Variants in TENM3 observed in about 807,000 individuals in gnomAD.
TENM3 encodes teneurin transmembrane protein 3.
TENM3 carries 63 observed loss-of-function variants against 255.1 expected under a neutral mutation model. That is an observed-to-expected ratio of 0.25 (90% confidence interval 0.20 to 0.30). The LOEUF is 0.30. Ranked by LOEUF, TENM3 falls within the 10% of genes least tolerant of loss-of-function variation. The pLI, the probability that TENM3 is intolerant of heterozygous loss-of-function variation, is 1.00. For synonymous variants in TENM3, 1,306 were observed against 1,322.3 expected (o/e 0.99, Z 0.27); for missense variants, 2,929 against 3,461.1 (o/e 0.85, Z 3.86).
chr4:182,029,519 T>A, the TENM3 span, among the ~76,000 whole-genome samples: 1 of 152,176 alleles, frequency 6.6e-6, no homozygotes, highest in Non-Finnish European at 1.5e-5. Flanking sequence ...CATCCAACGT[T>A]GGGTGCATAT....
chr4:182,736,739 A>G, intron 16 of TENM3, 69 bp from the exon 17 acceptor site: 1 of 1,361,974 alleles, frequency 7.3e-7, no homozygotes, highest in South Asian at 1.4e-5. Flanking sequence ...AATATGTGCT[A>G]CATAAATATA....
the TENM3 span, among the ~76,000 whole-genome samples, chr4:181,800,336 A>G: frequency 6.6e-6 from 1 of 152,172 alleles, no homozygotes; most frequent in African/African-American, 2.4e-5. Context: ...GGGAATAAGA[A>G]ATAAGAATTC....
chr4:182,634,696 G>T (rs1751693946), intron 5 of TENM3, among the ~76,000 whole-genome samples: 3 of 112,790 alleles, frequency 2.7e-5, no homozygotes, highest in South Asian at 2.9e-4. Flanking sequence ...CTTCTTTTTT[G>T]ACTCTGAAAT....
At chr4:181,696,005 T>C in the TENM3 span, among the ~76,000 whole-genome samples, 2 of 152,068 alleles carry the variant, frequency 1.3e-5, no homozygotes, top group African/African-American at 4.8e-5. Flanking sequence ...GAAATGTCAT[T>C]TAGAAGAAGA....
At chr4:181,988,849 T>C in the TENM3 span, among the ~76,000 whole-genome samples, 28 of 151,960 alleles carry the variant, frequency 1.8e-4, no homozygotes, top group African/African-American at 6.8e-4. Context: ...CAGTACTGAA[T>C]TGAAGTGCCA....
chr4:182,161,031 C>A (rs1751112310), intron 1 of TENM3, among the ~76,000 whole-genome samples: 1 of 151,836 alleles, frequency 6.6e-6, no homozygotes. Flanking sequence ...GTAATCCCAG[C>A]ATTTTGGGAG....
the TENM3 span, among the ~76,000 whole-genome samples, chr4:182,007,994 C>T: frequency 6.6e-6 from 1 of 152,132 alleles, no homozygotes; most frequent in African/African-American, 2.4e-5. Context: ...CTTAGTTTGG[C>T]TGGATATGAA....
At chr4:182,213,548 G>A (rs1289177099) in intron 1 of TENM3, among the ~76,000 whole-genome samples, 1 of 152,064 alleles carries the variant, frequency 6.6e-6, no homozygotes, top group East Asian at 1.9e-4. Flanking sequence ...TCAATTCAAT[G>A]CAATGGTGAT....
At chr4:181,924,089 A>G in the TENM3 span, among the ~76,000 whole-genome samples, 4 of 152,162 alleles carry the variant, frequency 2.6e-5, no homozygotes. Flanking sequence ...TCATGTTTGC[A>G]GAGCAACCTA....
rs757999632 is a variant in TENM3 at position 182,789,181 on chromosome 4, G to T, written c.5393G>T (p.Arg1798Met). The T allele has an allele frequency of 1.9e-6, 3 of 1,613,064 alleles. No homozygotes were observed. The highest frequency in any genetic ancestry group is 2.5e-6 in the Non-Finnish European group (3 of 1,179,512). ...GACGACCACCGTAAATTTCTACTGAGGATCGCCTACGACACGTCTGGGCAC... is the reference window on the plus strand; with the variant it reads ...GACGACCACCGTAAATTTCTACTGATGATCGCCTACGACACGTCTGGGCAC... ...IYDDHRKFLL[R>M]IAYDTSGHPT... Residue 1798 changes from arginine to methionine, a missense_variant, in exon 25 of 28, where the codon AGG becomes ATG. Transcript: ENST00000511685. The surrounding 1 kb of genome is among the most constrained non-coding windows in gnomAD (Gnocchi z 4.4).
chr4:181,486,397 C>G, the TENM3 span, among the ~76,000 whole-genome samples: 1 of 152,220 alleles, frequency 6.6e-6, no homozygotes, highest in East Asian at 1.9e-4. Context: ...AGTACCATAG[C>G]ATGTTGATGC....
chr4:182,596,622 G>A (rs1289982504), intron 3 of TENM3, among the ~76,000 whole-genome samples: 1 of 152,214 alleles, frequency 6.6e-6, no homozygotes, highest in East Asian at 1.9e-4. Context: ...AAAGGTGTAA[G>A]GCATGGAGTG....
rs1044588409 is a variant in TENM3, at chr4:182,271,410, G to A, written c.-76+27934G>A. Among the ~76,000 whole-genome samples the A allele has an allele frequency of 3.3e-5, 5 of 152,054 alleles. No homozygotes were observed. In the South Asian group the frequency reaches 1.0e-3, roughly 32 times the overall value. On this transcript the variant is annotated intron_variant, in intron 1 of 27. Coordinates refer to ENST00000511685, the MANE Select transcript of TENM3 (RefSeq NM_001080477.4). ...CTTTTTTCTCCCCCTTGCAATCATC[G>A]GTAAATAAGGCCTTCCCGTCCTTCC...
intron 2 of TENM3, among the ~76,000 whole-genome samples, chr4:182,344,380 C>T (rs1202688878): frequency 2.0e-5 from 3 of 152,092 alleles, no homozygotes; most frequent in African/African-American, 7.2e-5. Flanking sequence ...CATTGTAAGA[C>T]ATTGACTTCA....
At chr4:182,182,374 A>G (rs1171529372) in intron 1 of TENM3, among the ~76,000 whole-genome samples, 1 of 152,136 alleles carries the variant, frequency 6.6e-6, no homozygotes, top group Non-Finnish European at 1.5e-5. Flanking sequence ...TTTGTCATGT[A>G]TGAAGGGAAG....
At chr4:181,916,973 C>T in the TENM3 span, among the ~76,000 whole-genome samples, 1 of 152,148 alleles carries the variant, frequency 6.6e-6, no homozygotes, top group Non-Finnish European at 1.5e-5. Flanking sequence ...AAAAATTTAA[C>T]ATGTTCCATT....
chr4:181,931,540 T>C, the TENM3 span, among the ~76,000 whole-genome samples: 3 of 152,086 alleles, frequency 2.0e-5, no homozygotes, highest in Non-Finnish European at 1.5e-5. Flanking sequence ...GGAAAAACAT[T>C]CCATGCTCAT....
At chr4:181,610,749 G>T in the TENM3 span, among the ~76,000 whole-genome samples, 3 of 152,112 alleles carry the variant, frequency 2.0e-5, no homozygotes, top group East Asian at 3.9e-4. Flanking sequence ...TTAATAACAC[G>T]GTAGGTACTC....
the TENM3 span, among the ~76,000 whole-genome samples, chr4:181,956,672 T>C: frequency 3.9e-5 from 6 of 152,332 alleles, no homozygotes; most frequent in Non-Finnish European, 5.9e-5. Flanking sequence ...TGCAAGGAAA[T>C]CAACACTTGG....
Sources: allele counts gnomAD v4.1 joint callset (sites outside exome capture counted in the v4.1 genomes callset), GRCh38; gene constraint gnomAD v4.1.1; non-coding constraint Gnocchi (gnomAD v3.1); transcripts MANE v1.5; gene names NCBI Gene and HGNC (gene_info 2026-07-23, HGNC 2026-07-21).